Variants in ANO4 observed in about 807,000 individuals in gnomAD.
ANO4 encodes the protein anoctamin 4, also known as anoctamin-4.
Under a neutral mutation model 141.9 loss-of-function variants are expected in ANO4, and 69 were observed. That is an observed-to-expected ratio of 0.49 (90% CI 0.40 to 0.59). ANO4 has a LOEUF of 0.59. ANO4 is among the 20% of genes least tolerant of loss of function. The probability of loss-of-function intolerance (pLI) is 0.00; values close to 1 mark genes in which losing one functional copy is unlikely to be tolerated. For synonymous variants in ANO4, 350 were observed against 394.3 expected, an observed-to-expected ratio of 0.89 and a Z score of 1.33; for missense variants, 894 against 1,162.2, an observed-to-expected ratio of 0.77 and a Z score of 3.36.
Position 101,096,684 on chromosome 12 carries a change from G to A in ANO4, c.1850+37G>A, listed in dbSNP as rs577864716. 2.7e-6 allele frequency: 4 copies of A among 1,498,998 alleles called. No individual in the cohort carries two copies. In the African/African-American group the frequency reaches 4.1e-5, roughly 15 times the overall value. The allele number at this position is 1,498,998 out of a possible 1,614,324, so 92.9% of individuals were successfully genotyped here. A position where few individuals can be genotyped will look rare whatever the true frequency, so the allele number is the denominator to read the frequency against. ...ACCCCTGCACACCTCCCCAAGCTGAGGACAGAACACTTAGAAGGCACTGAC... is the reference window on the plus strand; with the variant it reads ...ACCCCTGCACACCTCCCCAAGCTGAAGACAGAACACTTAGAAGGCACTGAC... On this transcript the variant is annotated intron_variant, in intron 19 of 27. Coordinates refer to ENST00000392977, the MANE Select transcript of ANO4 (RefSeq NM_001286615.2).
At chr12:100,807,659 C>T (rs2035143345) in intron 1 of ANO4, among the ~76,000 whole-genome samples, 1 of 152,132 alleles carries the variant, frequency 6.6e-6, no homozygotes, top group Non-Finnish European at 1.5e-5. Flanking sequence ...ATCAACCTAT[C>T]ACCTGGGTAT....
intron 3 of ANO4, among the ~76,000 whole-genome samples, chr12:100,766,856 A>G (rs2033107043): frequency 2.0e-5 from 3 of 152,030 alleles, no homozygotes; most frequent in Non-Finnish European, 2.9e-5. Flanking sequence ...TTCACCCTTC[A>G]TTTCTGTTAC....
chr12:101,010,581 A>G (rs2046044524), intron 8 of ANO4, among the ~76,000 whole-genome samples: 1 of 152,190 alleles, frequency 6.6e-6, no homozygotes, highest in Non-Finnish European at 1.5e-5. Context: ...AACGCTCAAA[A>G]TAGGCCTTGT....
intron 5 of ANO4, among the ~76,000 whole-genome samples, chr12:100,956,206 ATTTC>A (rs1229291634): frequency 3.3e-5 from 5 of 152,142 alleles, no homozygotes; most frequent in African/African-American, 1.2e-4. Context: ...CTCAATGCCA[ATTTC>A]TTTCAGGCCA....
At chr12:100,806,310 G>A (rs1251149638) in intron 1 of ANO4, among the ~76,000 whole-genome samples, 1 of 152,054 alleles carries the variant, frequency 6.6e-6, no homozygotes, top group Non-Finnish European at 1.5e-5. Flanking sequence ...GAGAATGCCT[G>A]TTTCCTCACA....
upstream of ANO4, among the ~76,000 whole-genome samples, chr12:100,792,638 C>T (rs1024709603): frequency 3.9e-5 from 6 of 152,206 alleles, no homozygotes; most frequent in South Asian, 2.1e-4. Context: ...ACTGGAATAC[C>T]TATTTTTATT....
intron 22 of ANO4, among the ~76,000 whole-genome samples, chr12:101,106,365 T>A (rs1310145408): frequency 1.3e-5 from 2 of 151,908 alleles, no homozygotes; most frequent in African/African-American, 4.8e-5. Context: ...TAAAAGGAGG[T>A]AAACTTATAT....
rs560370663 is a variant in ANO4 at position 100,780,628 on chromosome 12, G to A, written c.358+40523G>A. ...TAATGAGCAATGAGGGCAACTAGAG[G>A]TTGCCTTTGTTGCCATCCTGGTTTT... On this transcript the variant is annotated intron_variant, in intron 3 of 29. Coordinates refer to the ANO4 transcript ENST00000644049. 9.2e-5 allele frequency among the ~76,000 whole-genome samples: 14 copies of A among 152,272 alleles called. No individual in the cohort carries two copies. In the South Asian group the frequency reaches 2.9e-3, roughly 32 times the overall value.
At chr12:101,086,574 C>T in intron 16 of ANO4, 86 bp from the exon 17 acceptor site, 1 of 1,488,554 alleles carries the variant, frequency 6.7e-7, no homozygotes, top group Non-Finnish European at 9.3e-7. Flanking sequence ...ACTTCCTTTT[C>T]CCATCAGAGG....
At chr12:100,801,543 G>A (rs1481498355) in intron 1 of ANO4, among the ~76,000 whole-genome samples, 1 of 150,060 alleles carries the variant, frequency 6.7e-6, no homozygotes, top group Non-Finnish European at 1.5e-5. Flanking sequence ...CCTCCAGAAA[G>A]CCACAAACTA....
rs570692866 is a variant in ANO4, at chr12:101,106,559, A to ATG, written c.2150-3831_2150-3830dup. 2.0e-3 allele frequency among the ~76,000 whole-genome samples: 265 copies of ATG among 134,462 alleles called. 3 individuals are homozygous for ATG. In the East Asian group the frequency reaches 0.034, roughly 17 times the overall value. 88.2% of individuals were successfully genotyped at this position (134,462 alleles called of 152,430 possible). Reference sequence around the variant, plus strand: ...ATAATTTATTGATATATGGATATTCATGTGTGTGTGTGTGTATATATATAT... The same window carrying ATG: ...ATAATTTATTGATATATGGATATTCATGTGTGTGTGTGTGTGTATATATATAT... On this transcript the variant is annotated intron_variant, in intron 22 of 27. Coordinates refer to ENST00000392977, the MANE Select transcript of ANO4 (RefSeq NM_001286615.2).
chr12:100,810,164 C>G (rs2035317138), intron 1 of ANO4, among the ~76,000 whole-genome samples: 1 of 151,332 alleles, frequency 6.6e-6, no homozygotes, highest in South Asian at 2.1e-4. Flanking sequence ...GTATGCTGAT[C>G]AGGATAGTCC....
intron 3 of ANO4, among the ~76,000 whole-genome samples, chr12:100,782,607 C>T (rs562100044): frequency 6.6e-5 from 10 of 152,188 alleles, no homozygotes; most frequent in South Asian, 4.1e-4. Context: ...TCTGCTTTTT[C>T]GTCACCAGTT....
chr12:100,799,948 T>C (rs2034581300), intron 1 of ANO4, among the ~76,000 whole-genome samples: 1 of 152,138 alleles, frequency 6.6e-6, no homozygotes, highest in South Asian at 2.1e-4. Context: ...CACTGTGCCA[T>C]TCATTGTTCA....
intron 14 of ANO4, among the ~76,000 whole-genome samples, chr12:101,063,281 C>G (rs980749848): frequency 2.0e-5 from 3 of 152,202 alleles, no homozygotes; most frequent in Non-Finnish European, 2.9e-5. Flanking sequence ...AATCACCCAC[C>G]TTTTGCACTG....
At chr12:100,997,160 C>G (rs372074321) in intron 8 of ANO4, among the ~76,000 whole-genome samples, 1 of 151,940 alleles carries the variant, frequency 6.6e-6, no homozygotes, top group Non-Finnish European at 1.5e-5. Context: ...ATGGTGAAAC[C>G]CTGCCTCTAC....
intron 5 of ANO4, among the ~76,000 whole-genome samples, chr12:100,955,131 AAAAAAT>A (rs2136217838): frequency 6.6e-6 from 1 of 152,366 alleles, no homozygotes; most frequent in East Asian, 1.9e-4. Context: ...ACTGGAGAAT[AAAAAAT>A]AAATGTTCTA....
At chr12:100,739,617 G>C (rs2031775180) in intron 2 of ANO4, among the ~76,000 whole-genome samples, 1 of 151,970 alleles carries the variant, frequency 6.6e-6, no homozygotes, top group Non-Finnish European at 1.5e-5. Flanking sequence ...TTTATTGATT[G>C]GACTCTGAGC....
chr12:100,854,511 C>T (rs2038060003), intron 1 of ANO4, among the ~76,000 whole-genome samples: 1 of 152,060 alleles, frequency 6.6e-6, no homozygotes, highest in African/African-American at 2.4e-5. Context: ...GTATTCTGTG[C>T]CTCATGTTTC....
Sources: allele counts gnomAD v4.1 joint callset (sites outside exome capture counted in the v4.1 genomes callset), GRCh38; gene constraint gnomAD v4.1.1; transcripts MANE v1.5; gene names NCBI Gene and HGNC (gene_info 2026-07-23, HGNC 2026-07-21).